The following ELOVL2 variants were observed in gnomAD, a reference collection of about 807,000 sequenced individuals.
ELOVL2 encodes the protein very long chain fatty acid elongase 2.
Under a neutral mutation model 37.7 loss-of-function variants are expected in ELOVL2, and 38 were observed. The ratio of observed to expected loss-of-function variants is 1.01; its 90% CI spans 0.78 to 1.32. The LOEUF is 1.32. Among genes scored for constraint, ELOVL2 ranks in the 40% most tolerant of loss-of-function variants. The pLI, the probability that ELOVL2 is intolerant of heterozygous loss-of-function variation, is 0.00. For synonymous variants in ELOVL2, 115 were observed against 122.3 expected, an observed-to-expected ratio of 0.94 and a Z score of 0.40; for missense variants, 352 against 363.6, an observed-to-expected ratio of 0.97 and a Z score of 0.26.
Position 11,005,959 on chromosome 6 carries a change from G to A in ELOVL2, c.68-400C>T, listed in dbSNP as rs759886204. ...ACTTTCAAAAGGCTACATCATAGTC[G>A]GCAGTACAGTCAGGATTTGAACCAG... On this transcript the variant is annotated intron_variant, in intron 2 of 7. Coordinates refer to ENST00000354666, the MANE Select transcript of ELOVL2 (RefSeq NM_017770.4). Among the ~76,000 whole-genome samples, 28 of 152,046 alleles carry A rather than the reference G, an allele frequency of 1.8e-4. 1 individual carries two copies. Among genetic ancestry groups the A allele is most frequent in the Middle Eastern group, 3.2e-3 (1 of 316 alleles).
At chr6:11,041,842 T>C (rs891253977) in intron 1 of ELOVL2, among the ~76,000 whole-genome samples, 5 of 152,200 alleles carry the variant, frequency 3.3e-5, no homozygotes, top group African/African-American at 1.2e-4. Flanking sequence ...CAAAAGGAAA[T>C]TTGAAAGAAA....
intron 1 of ELOVL2, among the ~76,000 whole-genome samples, chr6:11,013,794 G>A (rs982001421): frequency 3.3e-5 from 5 of 151,296 alleles, no homozygotes; most frequent in Admixed American, 1.3e-4. Context: ...AGACCTGAGC[G>A]AGAGGCACTG....
intron 1 of ELOVL2, among the ~76,000 whole-genome samples, chr6:11,043,080 T>C (rs1363012431): frequency 1.3e-5 from 2 of 151,314 alleles, no homozygotes; most frequent in African/African-American, 4.9e-5. Flanking sequence ...GTGGGCGGGG[T>C]AGGAAAGGTT....
chr6:11,010,021 ATCT>A (rs895458919), intron 2 of ELOVL2, among the ~76,000 whole-genome samples: 5 of 141,194 alleles, frequency 3.5e-5, no homozygotes, highest in Non-Finnish European at 6.2e-5. Flanking sequence ...AAGCGCACAC[ATCT>A]TTTTTTTTTT....
chr6:10,991,981 C>T (rs773287803), intron 5 of ELOVL2, among the ~76,000 whole-genome samples: 1 of 152,192 alleles, frequency 6.6e-6, no homozygotes, highest in Non-Finnish European at 1.5e-5. Flanking sequence ...ACAGTATTTA[C>T]AGGACTATGT....
intron 1 of ELOVL2, among the ~76,000 whole-genome samples, chr6:11,040,430 AT>A (rs112960296): frequency 0.24 from 36,749 of 151,856 alleles, 4,512 homozygotes; most frequent in Middle Eastern, 0.3. Context: ...TACACACTAG[AT>A]TTTGAAGATT....
intron 6 of ELOVL2, 121 bp from the exon 7 acceptor site, chr6:10,989,958 A>C: frequency 8.5e-7 from 1 of 1,181,546 alleles, no homozygotes; most frequent in Non-Finnish European, 1.2e-6. Context: ...GTAGGAACAA[A>C]ACAAAGCTGC....
chr6:11,042,316 AAAAG>A (rs1248865217), intron 1 of ELOVL2, among the ~76,000 whole-genome samples: 7 of 152,256 alleles, frequency 4.6e-5, no homozygotes, highest in South Asian at 2.1e-4. Context: ...CTGCCACAAA[AAAAG>A]AAAGAAGAAA....
intron 1 of ELOVL2, among the ~76,000 whole-genome samples, chr6:11,025,942 G>A (rs1782833212): frequency 6.6e-6 from 1 of 152,086 alleles, no homozygotes; most frequent in Non-Finnish European, 1.5e-5. Flanking sequence ...TAGTCTTTTT[G>A]CTTCCAACCT....
Position 11,026,107 on chromosome 6 carries a change from G to A in ELOVL2, c.4-15298C>T, listed in dbSNP as rs561294350. Among the ~76,000 whole-genome samples, 75 of 152,284 alleles carry A rather than the reference G, an allele frequency of 4.9e-4. 1 individual carries two copies. In the South Asian group the frequency reaches 0.015, roughly 31 times the overall value. On this transcript the variant is annotated intron_variant, in intron 1 of 7. Transcript: ENST00000354666. ...AGCAGCGACTGCAAGAGCCAGTTAT[G>A]ACAGCGTGGCTTCCCCTTTGCTAGT... is the stretch of plus-strand genomic sequence containing the variant.
chr6:11,030,282 C>T (rs984695881), intron 1 of ELOVL2, among the ~76,000 whole-genome samples: 3 of 152,070 alleles, frequency 2.0e-5, no homozygotes, highest in Non-Finnish European at 2.9e-5. Flanking sequence ...TCTAAGAAAA[C>T]AATAGAAGGC....
chr6:11,040,409 T>G (rs971063164), intron 1 of ELOVL2, among the ~76,000 whole-genome samples: 9 of 151,538 alleles, frequency 5.9e-5, no homozygotes, highest in Non-Finnish European at 1.3e-4. Context: ...AGATGCACTC[T>G]AAGCATAAAA....
intron 1 of ELOVL2, among the ~76,000 whole-genome samples, chr6:11,019,132 C>A (rs1782728058): frequency 6.6e-6 from 1 of 152,118 alleles, no homozygotes. Context: ...ACAAACATCA[C>A]CAGGTTATTT....
chr6:11,019,561 A>C (rs576306525), intron 1 of ELOVL2, among the ~76,000 whole-genome samples: 66 of 151,902 alleles, frequency 4.3e-4, no homozygotes, highest in African/African-American at 1.5e-3. Context: ...TTGCCTAGGC[A>C]TGTATGTACA....
intron 1 of ELOVL2, among the ~76,000 whole-genome samples, chr6:11,011,092 C>T (rs1356331936): frequency 6.6e-6 from 1 of 152,028 alleles, no homozygotes; most frequent in Non-Finnish European, 1.5e-5. Flanking sequence ...TGGCCAGGCG[C>T]GGTGTCTCAC....
intron 3 of ELOVL2, 66 bp downstream of exon 3, chr6:11,005,306 G>A: frequency 1.4e-6 from 2 of 1,408,164 alleles, no homozygotes; most frequent in Non-Finnish European, 9.8e-7. Flanking sequence ...CAGGCTAGAT[G>A]TGGTTGTTTC....
At chr6:11,019,445 T>G (rs1193073977) in intron 1 of ELOVL2, among the ~76,000 whole-genome samples, 4 of 152,232 alleles carry the variant, frequency 2.6e-5, no homozygotes, top group Non-Finnish European at 5.9e-5. Context: ...AAAGAATGCT[T>G]TCCTGTAAGA....
Position 10,989,738 on chromosome 6 carries a change from T to C in ELOVL2, c.730A>G (p.Thr244Ala). The change falls in exon 7 of 8, where the codon ACG becomes GCG. Residue 244 changes from threonine (T) to alanine (A), a missense_variant. Physicochemically the swap from Thr to Ala is moderately conservative, Grantham distance 58 (BLOSUM62 0). Transcript: ENST00000354666. ...AAATTTAAGAAGAGGATGACTAACG[T>C]TAGCATATAAGATGACTGGAAGATG... ...CLIFQSSYML[T>A]LVILFLNFYV... 1.9e-6 allele frequency: 3 copies of C among 1,613,978 alleles called. No individual in the cohort carries two copies. The highest frequency in any genetic ancestry group is 2.5e-6 in the Non-Finnish European group (3 of 1,179,922).
intron 1 of ELOVL2, among the ~76,000 whole-genome samples, chr6:11,013,631 G>A (rs1285074231): frequency 1.3e-5 from 2 of 152,190 alleles, no homozygotes; most frequent in Non-Finnish European, 2.9e-5. Context: ...CACAAATTGG[G>A]AAAGTGAGAC....
Sources: allele counts gnomAD v4.1 joint callset (sites outside exome capture counted in the v4.1 genomes callset), GRCh38; gene constraint gnomAD v4.1.1; transcripts MANE v1.5; gene names NCBI Gene and HGNC (gene_info 2026-07-23, HGNC 2026-07-21).